Variants in CASD1 observed in about 807,000 individuals in gnomAD.
The protein encoded by CASD1 is CAS1 domain sialic acid O acetyltransferase 1, also known as N-acetylneuraminate (7)9-O-acetyltransferase.
In CASD1, 41 loss-of-function variants were observed where a neutral mutation model predicts 100.0. The ratio of observed to expected loss-of-function variants is 0.41; its 90% confidence interval spans 0.32 to 0.53. The LOEUF (loss-of-function observed/expected upper bound fraction) is 0.53. CASD1 is among the 20% of genes least tolerant of loss of function. The probability of loss-of-function intolerance (pLI) is 0.25; values close to 1 mark genes in which losing one functional copy is unlikely to be tolerated. For missense variants in CASD1, 774 were observed against 948.7 expected (o/e 0.82, Z 2.42); for synonymous variants, 321 against 315.6 (o/e 1.02, Z -0.18).
the CASD1 span, chr7:94,619,355 C>T: frequency 6.0e-6 from 1 of 165,690 alleles, no homozygotes; most frequent in South Asian, 1.6e-4. Context: ...AAAACCAGAA[C>T]AATTCCACAG....
chr7:94,630,476 A>G, the CASD1 span, among the ~76,000 whole-genome samples: 105 of 152,002 alleles, frequency 6.9e-4, 1 homozygote, highest in African/African-American at 2.5e-3. Context: ...AAACAATATA[A>G]TCTATTATAT....
the CASD1 span, chr7:94,598,985 C>G: frequency 6.3e-7 from 1 of 1,587,426 alleles, no homozygotes; most frequent in African/African-American, 1.3e-5. Flanking sequence ...AGAAATAAAA[C>G]AACATATATT....
chr7:94,615,387 TA>T, the CASD1 span, among the ~76,000 whole-genome samples: 1 of 148,018 alleles, frequency 6.8e-6, no homozygotes, highest in Non-Finnish European at 1.5e-5. Context: ...GATAGATAGA[TA>T]GATAGATAGA....
rs542124480 is a variant in CASD1, at chr7:94,555,845, G to A, written c.*87G>A. 3.0e-6 allele frequency: 4 copies of A among 1,336,210 alleles called. No individual in the cohort carries two copies. Among genetic ancestry groups the A allele is most frequent in the African/African-American group, 1.5e-5 (1 of 68,444 alleles). The allele number at this position is 1,336,210 out of a possible 1,614,324, so 82.8% of individuals were successfully genotyped here. On this transcript the variant is annotated 3_prime_UTR_variant, in exon 18 of 18. Coordinates refer to ENST00000297273, the MANE Select transcript of CASD1 (RefSeq NM_022900.5). ...AAAGCATCTATCTGGAGATATAAAT[G>A]TGTATGTAAATATAAACGTTTGTGG...
chr7:94,533,199 C>T lies in CASD1; in HGVS notation c.460-6C>T. 7 of 1,603,898 alleles carry T rather than the reference C, an allele frequency of 4.4e-6. No homozygotes were observed. The highest frequency in any genetic ancestry group is 6.0e-6 in the Non-Finnish European group (7 of 1,172,624). ...AATACTATGATAAAGATTTGTCTTC[C>T]TTTAGGATTCCATTGCAAAGCCACA... On this transcript the variant is annotated splice_polypyrimidine_tract_variant and splice_region_variant and intron_variant, in intron 5 of 17. Coordinates refer to ENST00000297273, the MANE Select transcript of CASD1 (RefSeq NM_022900.5).
At chr7:94,631,087 G>A in the CASD1 span, among the ~76,000 whole-genome samples, 2 of 151,876 alleles carry the variant, frequency 1.3e-5, no homozygotes, top group Admixed American at 6.6e-5. Context: ...CAGAGGGAAG[G>A]AAGCTACAAG....
chr7:94,511,208 A>T lies in CASD1; in HGVS notation c.133+991A>T, dbSNP rs552793561. ...ATACTATCAAAGCCATTATCTGGCC[A>T]GCTCTTGGTGACTGTGAGATTAATC... is the stretch of plus-strand genomic sequence containing the variant. On this transcript the variant is annotated intron_variant, in intron 1 of 17. Transcript: ENST00000297273. Among the ~76,000 whole-genome samples, 15 of 152,306 alleles carry T rather than the reference A, an allele frequency of 9.8e-5. No homozygotes were observed. The South Asian group carries it at 2.9e-3, about 29-fold the overall frequency.
intron 3 of CASD1, among the ~76,000 whole-genome samples, chr7:94,521,696 C>T (rs1794283377): frequency 6.6e-6 from 1 of 152,114 alleles, no homozygotes; most frequent in African/African-American, 2.4e-5. Context: ...TATACATACG[C>T]ACACACAATT....
chr7:94,626,715 C>T, the CASD1 span: 1 of 151,840 alleles, frequency 6.6e-6, no homozygotes, highest in Non-Finnish European at 1.5e-5. Flanking sequence ...CTGGGACCTC[C>T]AATACATTCT....
chr7:94,613,169 T>C, the CASD1 span, among the ~76,000 whole-genome samples: 1 of 152,240 alleles, frequency 6.6e-6, no homozygotes, highest in Non-Finnish European at 1.5e-5. Flanking sequence ...ATATTGGATT[T>C]GTCTCATTAA....
chr7:94,537,588 C>A lies in CASD1; in HGVS notation c.960C>A (p.Phe320Leu), dbSNP rs778911989. The A allele has an allele frequency of 8.1e-6, 13 of 1,613,710 alleles. No individual in the cohort carries two copies. The South Asian group carries it at 8.8e-5, about 11-fold the overall frequency. ...TACAGAAGCTAGCTGCTTGTTTTTT[C>A]ACTTTATCTATTATCGGATATTTAA... ...TLIQKLAACF[F>L]TLSIIGYLIF... Residue 320 changes from phenylalanine to leucine, a missense_variant, in exon 9 of 18, where the codon TTC (phenylalanine) becomes TTA (leucine). Around this residue, in one of 5 missense-constraint regions of CASD1, gnomAD observed 453 missense variants for 532.6 expected, o/e 0.85. Transcript: ENST00000297273.
the CASD1 span, chr7:94,625,642 C>T: frequency 6.6e-6 from 1 of 152,022 alleles, no homozygotes; most frequent in Non-Finnish European, 1.5e-5. Flanking sequence ...AAATGGCAAA[C>T]TATTACAGGT....
At chr7:94,544,258 G>A (rs1795561740) in intron 10 of CASD1, among the ~76,000 whole-genome samples, 153 bp from the exon 11 acceptor site, 1 of 152,144 alleles carries the variant, frequency 6.6e-6, no homozygotes, top group Admixed American at 6.5e-5. Flanking sequence ...TGTAATCCTT[G>A]CTATAATGAC....
chr7:94,551,553 AT>A (rs1795947274), intron 15 of CASD1, 75 bp downstream of exon 15: 2 of 588,704 alleles, frequency 3.4e-6, no homozygotes, highest in Non-Finnish European at 5.0e-6. Context: ...ATAATCAATT[AT>A]TTTTAATAAT....
At chr7:94,515,197 T>C (rs537996568) in intron 1 of CASD1, among the ~76,000 whole-genome samples, 38 of 152,262 alleles carry the variant, frequency 2.5e-4, no homozygotes, top group South Asian at 2.3e-3. Context: ...TCCTGTCTTT[T>C]GACTGGACCC....
the CASD1 span, among the ~76,000 whole-genome samples, chr7:94,569,358 C>T: frequency 2.0e-5 from 3 of 152,130 alleles, no homozygotes; most frequent in Non-Finnish European, 4.4e-5. Flanking sequence ...TGCTATATAA[C>T]ACCATGTAGT....
At chr7:94,549,298 G>C (rs1795831115) in intron 13 of CASD1, among the ~76,000 whole-genome samples, 1 of 151,626 alleles carries the variant, frequency 6.6e-6, no homozygotes. Flanking sequence ...AGTTTACCAA[G>C]TTTTAAGTCA....
the CASD1 span, among the ~76,000 whole-genome samples, chr7:94,605,723 A>C: frequency 6.6e-6 from 1 of 152,222 alleles, no homozygotes; most frequent in Admixed American, 6.5e-5. Flanking sequence ...AAAAATGCTC[A>C]ATGAAAACTA....
chr7:94,608,708 T>C, the CASD1 span, among the ~76,000 whole-genome samples: 1 of 152,168 alleles, frequency 6.6e-6, no homozygotes, highest in African/African-American at 2.4e-5. Flanking sequence ...CAGTGTAGTA[T>C]TGGGAAATAA....
Sources: gnomAD v4.1 joint callset for allele counts (sites outside exome capture counted in the v4.1 genomes callset) on GRCh38, gnomAD v4.1.1 for gene constraint, gnomAD v4.1.1 regional missense constraint, MANE v1.5 for transcripts, NCBI Gene and HGNC (gene_info 2026-07-23, HGNC 2026-07-21) for gene names.